Variants in PTPN22 observed in about 807,000 individuals in gnomAD.
PTPN22 encodes the protein protein tyrosine phosphatase non-receptor type 22, also known as tyrosine-protein phosphatase non-receptor type 22.
PTPN22 carries 85 observed loss-of-function variants against 103.3 expected under a neutral mutation model. The observed-to-expected ratio is 0.82, with a 90% CI of 0.69 to 0.99. The LOEUF (loss-of-function observed/expected upper bound fraction) is 0.99, where lower values mean the gene tolerates loss of function less well. PTPN22 is among the 50% of genes least tolerant of loss of function. PTPN22 has a pLI of 0.00. For missense variants in PTPN22, 865 were observed against 936.9 expected, an observed-to-expected ratio of 0.92 and a Z score of 1.00; for synonymous variants, 323 against 310.2, an observed-to-expected ratio of 1.04 and a Z score of -0.43.
At chr1:113,846,797 A>G (rs993356376) in intron 11 of PTPN22, among the ~76,000 whole-genome samples, 2 of 152,086 alleles carry the variant, frequency 1.3e-5, no homozygotes, top group East Asian at 3.9e-4. Flanking sequence ...TCTGACCTCT[A>G]TGATTCCTAA....
rs377563519 is a variant in PTPN22 at position 113,867,364 on chromosome 1, T to C, written c.87+4173A>G. 2.0e-5 allele frequency among the ~76,000 whole-genome samples: 3 copies of C among 152,336 alleles called. No individual in the cohort carries two copies. In the East Asian group the frequency reaches 5.8e-4, roughly 29 times the overall value. On this transcript the variant is annotated intron_variant, in intron 1 of 20. Transcript: ENST00000359785. The stretch of plus-strand genomic sequence containing the variant: ...AGATCTGAGTTAAATTTCATCTCTA[T>C]GGCTGAACAGCTGAGTGAGCTTAGG...
chr1:113,829,986 T>C, exon 17 of PTPN22: 1 of 1,608,532 alleles, frequency 6.2e-7, no homozygotes, highest in South Asian at 1.1e-5. Context: ...CTAGAGTTCT[T>C]TCTGGGAGAG....
chr1:113,833,197 T>A, intron 15 of PTPN22, 59 bp from the exon 16 acceptor site: 4 of 1,387,470 alleles, frequency 2.9e-6, no homozygotes, highest in Non-Finnish European at 3.0e-6. Flanking sequence ...TTATACAAAC[T>A]CAAAGCAAAA....
At chr1:113,844,536 C>A (rs564074090) in intron 11 of PTPN22, among the ~76,000 whole-genome samples, 1 of 152,276 alleles carries the variant, frequency 6.6e-6, no homozygotes, top group South Asian at 2.1e-4. Flanking sequence ...CTCTTTATTT[C>A]TTTTTCTATA....
At chr1:113,825,001 G>T (rs994434956) in intron 19 of PTPN22, 141 bp downstream of exon 19, 2 of 510,300 alleles carry the variant, frequency 3.9e-6, no homozygotes, top group Non-Finnish European at 6.9e-6. Context: ...AGGCCTATGG[G>T]TGATTGTTCT....
At chr1:113,838,730 A>G in intron 11 of PTPN22, 110 bp from the exon 12 acceptor site, 2 of 1,439,960 alleles carry the variant, frequency 1.4e-6, no homozygotes, top group South Asian at 3.1e-5. Context: ...AAGATTTAAA[A>G]TAATTCATGA....
rs907672142 is a variant in PTPN22 at position 113,835,521 on chromosome 1, AAAT to A, written c.1811-531_1811-529del. ...TGGCAGCAGGACACTCCGTCTCAAA[AAAT>A]AATAATAATAATAAATAAATAAAAG... On this transcript the variant is annotated intron_variant, in intron 13 of 20. Coordinates refer to ENST00000359785, the Ensembl canonical transcript of PTPN22. Among the ~76,000 whole-genome samples the A allele has an allele frequency of 1.7e-4, 26 of 152,204 alleles. No homozygotes were observed. In the East Asian group the frequency reaches 4.6e-3, roughly 27 times the overall value.
chr1:113,847,584 CT>C (rs201373943), intron 11 of PTPN22, among the ~76,000 whole-genome samples: 22,202 of 125,280 alleles, frequency 0.18, 1,800 homozygotes, highest in East Asian at 0.25. Context: ...TTTGCTGGGG[CT>C]TTTTTTTTTT....
Position 113,829,588 on chromosome 1 carries a change from T to C in PTPN22, c.2250+4A>G, listed in dbSNP as rs762319049. On this transcript the variant is annotated splice_donor_region_variant and intron_variant, in intron 18 of 20. Transcript: ENST00000359785. ...ATGTTTCCCAAAACTCTTATCTTCTTTACCTTACTCCTTGTGAAACTTTTT... is the reference window on the plus strand; with the variant it reads ...ATGTTTCCCAAAACTCTTATCTTCTCTACCTTACTCCTTGTGAAACTTTTT... 1 of 1,540,272 alleles carries C rather than the reference T, an allele frequency of 6.5e-7. No individual in the cohort carries two copies. The highest frequency in any genetic ancestry group is 1.2e-5 in the South Asian group (1 of 84,614).
chr1:113,869,228 A>G (rs925096578), intron 1 of PTPN22, among the ~76,000 whole-genome samples: 9 of 152,188 alleles, frequency 5.9e-5, no homozygotes, highest in Admixed American at 5.9e-4. Context: ...CCCAAAAAAA[A>G]GACCAGATTT....
intron 18 of PTPN22, among the ~76,000 whole-genome samples, chr1:113,828,530 G>C (rs565390848): frequency 2.0e-5 from 3 of 152,146 alleles, no homozygotes; most frequent in African/African-American, 7.2e-5. Context: ...CTGATTTTGA[G>C]ATACCACCTT....
chr1:113,833,819 G>A (rs1438095600), intron 15 of PTPN22, among the ~76,000 whole-genome samples: 1 of 152,146 alleles, frequency 6.6e-6, no homozygotes, highest in African/African-American at 2.4e-5. Context: ...TTTATCTTAA[G>A]TAATATGCAC....
chr1:113,832,629 G>A (rs914923003), intron 16 of PTPN22, among the ~76,000 whole-genome samples: 3 of 152,140 alleles, frequency 2.0e-5, no homozygotes, highest in Non-Finnish European at 4.4e-5. Context: ...TAATATGACA[G>A]TATGAATAAA....
intron 16 of PTPN22, among the ~76,000 whole-genome samples, chr1:113,831,819 T>C (rs1662575159): frequency 6.6e-6 from 1 of 152,246 alleles, no homozygotes. Context: ...TCCACGTGAG[T>C]ATTAATTTTA....
At chr1:113,861,515 C>T (rs1261400078) in intron 1 of PTPN22, among the ~76,000 whole-genome samples, 1 of 151,980 alleles carries the variant, frequency 6.6e-6, no homozygotes, top group East Asian at 1.9e-4. Context: ...GGTGGGATTA[C>T]AGTCGTGAGC....
At chr1:113,868,498 ACTC>A (rs1446460836) in intron 1 of PTPN22, among the ~76,000 whole-genome samples, 1 of 151,794 alleles carries the variant, frequency 6.6e-6, no homozygotes, top group Non-Finnish European at 1.5e-5. Context: ...CTCATTCACT[ACTC>A]CTCTACTCCC....
At chr1:113,825,901 G>A (rs1415394639) in intron 18 of PTPN22, among the ~76,000 whole-genome samples, 4 of 152,076 alleles carry the variant, frequency 2.6e-5, no homozygotes, top group Admixed American at 6.5e-5. Context: ...TTTTAGTAGA[G>A]ACAGGGTTTC....
exon 15 of PTPN22, chr1:113,834,361 C>T (rs1434496133): frequency 1.9e-6 from 3 of 1,613,898 alleles, no homozygotes; most frequent in Non-Finnish European, 2.5e-6. Context: ...TTCAGATGTT[C>T]CACCCCATTC....
At chr1:113,857,890 T>C (rs1400681574) in intron 4 of PTPN22, 114 bp from the exon 5 acceptor site, 7 of 984,944 alleles carry the variant, frequency 7.1e-6, no homozygotes, top group Admixed American at 2.7e-5. Flanking sequence ...GTTTTGTCGT[T>C]TTTTTTTAAC....
Sources: gnomAD v4.1 joint callset for allele counts (sites outside exome capture counted in the v4.1 genomes callset) on GRCh38, gnomAD v4.1.1 for gene constraint, MANE v1.5 for transcripts, NCBI Gene and HGNC (gene_info 2026-07-23, HGNC 2026-07-21) for gene names.